Variants in ELAVL4 observed in about 807,000 individuals in gnomAD.
ELAVL4 encodes ELAV like RNA binding protein 4.
A neutral mutation model predicts 35.6 loss-of-function variants in ELAVL4; 1 was observed. The observed-to-expected ratio is 0.03, with a 90% CI of 0.01 to 0.13. The LOEUF is 0.13. ELAVL4 is among the 10% of genes least tolerant of loss of function. ELAVL4 has a pLI of 1.00. For missense variants in ELAVL4, 267 were observed against 464.9 expected (o/e 0.57, Z 3.91); for synonymous variants, 156 against 171.0 (o/e 0.91, Z 0.69).
At chr1:50,072,516 T>A (rs1664576803) in intron 1 of ELAVL4, among the ~76,000 whole-genome samples, 2 of 152,102 alleles carry the variant, frequency 1.3e-5, no homozygotes, top group African/African-American at 2.4e-5. Flanking sequence ...CTCACTGCCA[T>A]CATCACTGAT....
chr1:50,146,714 T>C (rs1673793141), intron 2 of ELAVL4, among the ~76,000 whole-genome samples: 2 of 152,194 alleles, frequency 1.3e-5, no homozygotes, highest in African/African-American at 4.8e-5. Flanking sequence ...AATAGGATGA[T>C]AATTCAAACC....
chr1:50,109,910 T>C (rs751733502), intron 1 of ELAVL4: 1 of 1,612,116 alleles, frequency 6.2e-7, no homozygotes, highest in Non-Finnish European at 8.5e-7. Context: ...TTTGACACAC[T>C]GTGTGAGGGT....
intron 1 of ELAVL4, among the ~76,000 whole-genome samples, chr1:50,144,156 T>C (rs185652987): frequency 2.6e-5 from 4 of 152,342 alleles, no homozygotes; most frequent in African/African-American, 7.2e-5. Flanking sequence ...CATTTCTTTA[T>C]TCTCATACGT....
At chr1:50,146,154 G>A (rs1250501514) in intron 2 of ELAVL4, among the ~76,000 whole-genome samples, 1 of 147,520 alleles carries the variant, frequency 6.8e-6, no homozygotes, top group Non-Finnish European at 1.5e-5. Flanking sequence ...CTGTCCTAGA[G>A]TTTTTTTTTT....
upstream of ELAVL4, among the ~76,000 whole-genome samples, chr1:50,099,369 T>C (rs1665858562): frequency 6.6e-6 from 1 of 151,992 alleles, no homozygotes; most frequent in Non-Finnish European, 1.5e-5. Flanking sequence ...AAGACCAGCC[T>C]GACCAACATG....
At chr1:50,064,099 G>A (rs1255758464) in intron 1 of ELAVL4, among the ~76,000 whole-genome samples, 2 of 152,182 alleles carry the variant, frequency 1.3e-5, no homozygotes, top group African/African-American at 2.4e-5. Flanking sequence ...GTGTAATAGA[G>A]AAAGGTGTGC....
At chr1:50,179,138 G>A (rs1048101277) in intron 3 of ELAVL4, among the ~76,000 whole-genome samples, 7 of 151,988 alleles carry the variant, frequency 4.6e-5, no homozygotes, top group African/African-American at 1.2e-4. Flanking sequence ...GAGTCAGTCT[G>A]CCTCCTTCCG....
chr1:50,159,630 G>A (rs1676417870), intron 2 of ELAVL4, among the ~76,000 whole-genome samples: 1 of 151,912 alleles, frequency 6.6e-6, no homozygotes, highest in East Asian at 1.9e-4. Context: ...AAAAAATGGG[G>A]GGCTCTTTTT....
intron 1 of ELAVL4, among the ~76,000 whole-genome samples, chr1:50,072,625 C>T (rs563655643): frequency 2.0e-5 from 3 of 152,276 alleles, no homozygotes; most frequent in Non-Finnish European, 4.4e-5. Flanking sequence ...TCAGTGGTTT[C>T]CTGATGTACC....
intron 1 of ELAVL4, among the ~76,000 whole-genome samples, chr1:50,120,979 T>C (rs907808149): frequency 2.0e-5 from 3 of 152,084 alleles, no homozygotes; most frequent in Admixed American, 1.3e-4. Flanking sequence ...AGCATGCTTG[T>C]CTTGACTGGT....
At chr1:50,063,536 C>G (rs910963485) in intron 1 of ELAVL4, among the ~76,000 whole-genome samples, 1 of 152,178 alleles carries the variant, frequency 6.6e-6, no homozygotes, top group Non-Finnish European at 1.5e-5. Flanking sequence ...AGCATTTGCA[C>G]TCATCTATTT....
Position 50,109,016 on chromosome 1 carries a change from C to CGGGGGGGGGGGGGGGGGGGGGGGG in ELAVL4, c.-174_-173insGGGGGGGGGGGGGGGGGGGGGGGG. 1.1e-6 allele frequency: 1 copy of CGGGGGGGGGGGGGGGGGGGGGGGG among 905,792 alleles called. No individual in the cohort carries two copies. The highest frequency in any genetic ancestry group is 1.3e-6 in the Non-Finnish European group (1 of 761,406). The allele number at this position is 905,792 out of a possible 1,614,324, so 56.1% of individuals were successfully genotyped here. Reference sequence around the variant, plus strand: ...CTCCTTTTCTTTTTTTTCTTTCTCTCCCCCGCCCACCCCCCCAAAAATAAT... The same window carrying CGGGGGGGGGGGGGGGGGGGGGGGG: ...CTCCTTTTCTTTTTTTTCTTTCTCTCGGGGGGGGGGGGGGGGGGGGGGGGCCCCGCCCACCCCCCCAAAAATAAT... On this transcript the variant is annotated 5_prime_UTR_variant, in exon 1 of 7. Transcript: ENST00000371824.
chr1:50,093,525 G>C (rs1665582562), intron 1 of ELAVL4, among the ~76,000 whole-genome samples: 2 of 152,186 alleles, frequency 1.3e-5, no homozygotes, highest in South Asian at 4.1e-4. Flanking sequence ...CATAGGTAAT[G>C]TGACCATGTG....
intron 3 of ELAVL4, among the ~76,000 whole-genome samples, chr1:50,188,435 C>T (rs1362368946): frequency 6.6e-6 from 1 of 152,216 alleles, no homozygotes; most frequent in Non-Finnish European, 1.5e-5. Flanking sequence ...CTCTAATCCA[C>T]AGGGGCCCAA....
chr1:50,071,408 A>G lies in ELAVL4; in HGVS notation c.18+23226A>G, dbSNP rs1664510602. Among the ~76,000 whole-genome samples, 3 of 152,092 alleles carry G rather than the reference A, an allele frequency of 2.0e-5. No individual in the cohort carries two copies. In the South Asian group the frequency reaches 6.2e-4, roughly 32 times the overall value. ...ACTTCCTAATTTCAGCTTTGTAACA[A>G]CTTTTTTTCTTGAGTCGTGCATCTT... is the stretch of plus-strand genomic sequence containing the variant. On this transcript the variant is annotated intron_variant, in intron 1 of 6. Coordinates refer to the ELAVL4 transcript ENST00000448907.
In ELAVL4 at chr1:50,109,016, C is replaced by CGGGGGGGGGGGGGGCGG; in HGVS notation, c.-174_-173insGGGGGGGGGGGGGGCGG. On this transcript the variant is annotated 5_prime_UTR_variant, in exon 1 of 7. Coordinates refer to ENST00000371824, the MANE Select transcript of ELAVL4 (RefSeq NM_001144774.3). ...CTCCTTTTCTTTTTTTTCTTTCTCT[C>CGGGGGGGGGGGGGGCGG]CCCCGCCCACCCCCCCAAAAATAAT... 1.1e-6 allele frequency: 1 copy of CGGGGGGGGGGGGGGCGG among 905,794 alleles called. No homozygotes were observed. The highest frequency in any genetic ancestry group is 1.3e-6 in the Non-Finnish European group (1 of 761,408). 56.1% of individuals were successfully genotyped at this position (905,794 alleles called of 1,614,324 possible).
rs537736431 is a variant in ELAVL4 at position 50,147,125 on chromosome 1, C to G, written c.250+1928C>G. On this transcript the variant is annotated intron_variant, in intron 2 of 6. Transcript: ENST00000371824. The stretch of plus-strand genomic sequence containing the variant: ...GTAGCATCTGAGCTTAAAGAAGAAG[C>G]TTATGGGGTTGAAAGCAGAAATACA... 1.3e-5 allele frequency among the ~76,000 whole-genome samples: 2 copies of G among 152,100 alleles called. 1 individual carries two copies. Among genetic ancestry groups the G allele is most frequent in the East Asian group, 3.9e-4 (2 of 5,166 alleles).
At chr1:50,146,099 T>C (rs977823139) in intron 2 of ELAVL4, among the ~76,000 whole-genome samples, 29 of 152,166 alleles carry the variant, frequency 1.9e-4, no homozygotes, top group African/African-American at 6.8e-4. Context: ...GTTTTGAGTA[T>C]TGACTTTTGT....
rs947205689 is a variant in ELAVL4 at position 50,203,438 on chromosome 1, C to T, written c.*2260C>T. 1 of 151,844 alleles carries T rather than the reference C, an allele frequency of 6.6e-6. No homozygotes were observed. Among genetic ancestry groups the T allele is most frequent in the Admixed American group, 6.6e-5 (1 of 15,246 alleles). The allele number at this position is 151,844 out of a possible 1,614,324, so 9.4% of individuals were successfully genotyped here. ...ACCAGATTTCAGTTCAGAGAACACT[C>T]GTTCAACATTCAGGGAAAGCTTTTT... is the stretch of plus-strand genomic sequence containing the variant. On this transcript the variant is annotated 3_prime_UTR_variant, in exon 7 of 7. Transcript: ENST00000371824.
Sources: allele counts gnomAD v4.1 joint callset (sites outside exome capture counted in the v4.1 genomes callset), GRCh38; gene constraint gnomAD v4.1.1; transcripts MANE v1.5; gene names NCBI Gene and HGNC (gene_info 2026-07-23, HGNC 2026-07-21).